TPO: variants seen among roughly 807,000 people sequenced by gnomAD.
TPO encodes the protein thyroid microsomal antigen.
TPO carries 78 observed loss-of-function variants against 96.9 expected under a neutral mutation model. The ratio of observed to expected loss-of-function variants is 0.81; its 90% CI spans 0.67 to 0.97. TPO has a LOEUF of 0.97. TPO is among the 50% of genes least tolerant of loss of function. TPO has a pLI of 0.00. For missense variants in TPO, 1,252 were observed against 1,274.8 expected, an observed-to-expected ratio of 0.98 and a Z score of 0.27; for synonymous variants, 547 against 538.0, an observed-to-expected ratio of 1.02 and a Z score of -0.23.
At chr2:1,380,309 G>C (rs1661789702) in intron 1 of TPO, among the ~76,000 whole-genome samples, 1 of 150,798 alleles carries the variant, frequency 6.6e-6, no homozygotes, top group Non-Finnish European at 1.5e-5. Flanking sequence ...CAGGAGAATG[G>C]CATGAACCCG....
chr2:1,375,742 T>C (rs1376170418), intron 1 of TPO, among the ~76,000 whole-genome samples: 1 of 152,102 alleles, frequency 6.6e-6, no homozygotes, highest in Non-Finnish European at 1.5e-5. Context: ...ATCGTCCTTA[T>C]GAAACATGTC....
At position 1,493,827 on chromosome 2, in the gene TPO, C is replaced by T. The variant is rs141377851; in HGVS notation, c.1794C>T (p.Cys598=). 261 of 1,614,016 alleles carry T rather than the reference C, an allele frequency of 1.6e-4. No individual in the cohort carries two copies. The African/African-American group carries it at 2.8e-3, about 17-fold the overall frequency. ...LPGYNEWREF[C]GLPRLETPAD... ...GTTACAATGAGTGGAGGGAGTTCTG[C>T]GGCCTGCCTCGCCTGGAGACCCCCG... The change falls in exon 11 of 17, where the codon TGC becomes TGT. Residue 598 remains cysteine (C), a synonymous_variant. Transcript: ENST00000329066.
intron 14 of TPO, among the ~76,000 whole-genome samples, chr2:1,509,008 C>A (rs1238954263): frequency 1.3e-5 from 2 of 152,166 alleles, no homozygotes; most frequent in Admixed American, 6.5e-5. Context: ...TTCCTGCTTT[C>A]TCTTGTGGGC....
chr2:1,401,327 CAGAT>C (rs1475608082), intron 1 of TPO, among the ~76,000 whole-genome samples: 7 of 152,318 alleles, frequency 4.6e-5, no homozygotes, highest in South Asian at 4.1e-4. Context: ...AGTGACCTCT[CAGAT>C]GGATGGGGAA....
rs138240771 is a variant in TPO, at chr2:1,441,227, G to A, written c.482+4843G>A. 5.7e-3 allele frequency among the ~76,000 whole-genome samples: 869 copies of A among 152,338 alleles called. 3 individuals carry two copies. Among genetic ancestry groups the A allele is most frequent in the Middle Eastern group, 0.014 (4 of 294 alleles). On this transcript the variant is annotated intron_variant, in intron 5 of 16. Transcript: ENST00000329066. The stretch of plus-strand genomic sequence containing the variant: ...TTTGTGTGGTGTAGTCAGTGCCGCA[G>A]GAGCTACCGTGTTGGAAGGGAATGG...
chr2:1,426,874 A>G (rs1463850982), intron 3 of TPO, among the ~76,000 whole-genome samples: 1 of 152,238 alleles, frequency 6.6e-6, no homozygotes, highest in Non-Finnish European at 1.5e-5. Context: ...TCTAAATAAT[A>G]ATATCCAAAA....
intron 16 of TPO, chr2:1,541,109 ATGTT>A (rs1200099867): frequency 8.4e-7 from 1 of 1,194,366 alleles, no homozygotes; most frequent in Non-Finnish European, 1.1e-6. Context: ...AAAAATGTGT[ATGTT>A]TATGTTTTAC....
intron 6 of TPO, among the ~76,000 whole-genome samples, chr2:1,455,746 GC>G (rs1667729697): frequency 6.6e-6 from 1 of 152,146 alleles, no homozygotes. Flanking sequence ...CTAAAGCCTG[GC>G]TGTTTTGTCA....
intron 7 of TPO, among the ~76,000 whole-genome samples, chr2:1,471,110 CA>C (rs1257371986): frequency 1.3e-5 from 2 of 152,148 alleles, no homozygotes; most frequent in South Asian, 2.1e-4. Context: ...TGACAGTGGT[CA>C]GGGGTTGCCC....
chr2:1,512,383 C>T, intron 14 of TPO: 2 of 985,456 alleles, frequency 2.0e-6, no homozygotes, highest in South Asian at 4.7e-5. Context: ...GTCCATCTGC[C>T]TCTCCAGATC....
chr2:1,417,127 T>A (rs184177047), intron 2 of TPO, among the ~76,000 whole-genome samples: 13 of 152,370 alleles, frequency 8.5e-5, no homozygotes, highest in Admixed American at 2.0e-4. Flanking sequence ...ATCCTCATAC[T>A]TGAAGCTCGA....
rs966800687 is a variant in TPO, at chr2:1,513,776, ATATAGT to A, written c.2519-3102_2519-3097del. On this transcript the variant is annotated intron_variant, in intron 14 of 16. Coordinates refer to ENST00000329066, the MANE Select transcript of TPO (RefSeq NM_001206744.2). ...ATAGATAACAAATATGTAGACATAG[ATATAGT>A]TATACTGATTTAGATATAGATACTG... Among the ~76,000 whole-genome samples the A allele has an allele frequency of 1.4e-4, 21 of 152,140 alleles. No homozygotes were observed. The South Asian group carries it at 3.5e-3, about 25-fold the overall frequency.
intron 15 of TPO, among the ~76,000 whole-genome samples, chr2:1,538,841 C>T (rs762205871): frequency 7.2e-5 from 11 of 152,022 alleles, no homozygotes; most frequent in Non-Finnish European, 1.5e-4. Context: ...GGGCTTTGCT[C>T]CCCCCGAAGG....
At chr2:1,482,131 G>A (rs80220782) in intron 8 of TPO, among the ~76,000 whole-genome samples, 9 of 152,188 alleles carry the variant, frequency 5.9e-5, no homozygotes, top group African/African-American at 1.9e-4. Context: ...GAAAGCAGTC[G>A]AGAGTCAGAA....
At chr2:1,448,027 G>A (rs1049838355) in intron 5 of TPO, among the ~76,000 whole-genome samples, 11 of 152,180 alleles carry the variant, frequency 7.2e-5, no homozygotes, top group African/African-American at 2.2e-4. Context: ...GAAGCCTCAC[G>A]GGATTCTGTA....
intron 3 of TPO, among the ~76,000 whole-genome samples, chr2:1,429,208 C>T (rs1052119249): frequency 5.3e-5 from 8 of 151,800 alleles, no homozygotes; most frequent in African/African-American, 1.9e-4. Flanking sequence ...GCATCTCCCC[C>T]ACTCTACTCT....
rs145974595 is a variant in TPO at position 1,504,049 on chromosome 2, G to A, written c.2488G>A (p.Glu830Lys). 8.9e-5 allele frequency: 143 copies of A among 1,614,076 alleles called. No homozygotes were observed. Among genetic ancestry groups the A allele is most frequent in the South Asian group, 2.1e-4 (19 of 91,088 alleles). Reference sequence around the variant, plus strand: ...CCAGTGTCTCTGCGCGGACCCCTACGAGTTAGGAGACGATGGGAGAACCTG... The same window carrying A: ...CCAGTGTCTCTGCGCGGACCCCTACAAGTTAGGAGACGATGGGAGAACCTG... The part of the protein sequence containing the change: ...GFQCLCADPY[E>K]LGDDGRTCVD... The change falls in exon 14 of 17, where the codon GAG becomes AAG. Residue 830 changes from glutamate (E) to lysine (K), a missense_variant. Physicochemically the swap from Glu to Lys is moderately conservative, Grantham distance 56. Coordinates refer to ENST00000329066, the MANE Select transcript of TPO (RefSeq NM_001206744.2).
chr2:1,479,438 T>A (rs902584931), intron 8 of TPO, among the ~76,000 whole-genome samples: 2 of 152,172 alleles, frequency 1.3e-5, no homozygotes, highest in Non-Finnish European at 2.9e-5. Flanking sequence ...GCCCCTTCTG[T>A]CTCCTCAGGA....
At chr2:1,389,512 C>T (rs1253668681) in intron 1 of TPO, among the ~76,000 whole-genome samples, 1 of 152,058 alleles carries the variant, frequency 6.6e-6, no homozygotes, top group East Asian at 1.9e-4. Context: ...CTACTTTCCT[C>T]ATCAGATTGT....
Sources: gnomAD v4.1 joint callset for allele counts (sites outside exome capture counted in the v4.1 genomes callset) on GRCh38, gnomAD v4.1.1 for gene constraint, MANE v1.5 for transcripts, NCBI Gene and HGNC (gene_info 2026-07-23, HGNC 2026-07-21) for gene names.